PHKB: variants seen among roughly 807,000 people sequenced by gnomAD.
PHKB encodes the protein phosphorylase b kinase regulatory subunit beta.
Under a neutral mutation model 152.1 loss-of-function variants are expected in PHKB, and 122 were observed. That is an observed-to-expected ratio of 0.80 (90% CI 0.69 to 0.93). The LOEUF is 0.93. PHKB is among the 40% of genes least tolerant of loss of function. The pLI, the probability that PHKB is intolerant of heterozygous loss-of-function variation, is 0.00. For missense variants in PHKB, 1,304 were observed against 1,328.4 expected (o/e 0.98, Z 0.29); for synonymous variants, 436 against 464.9 (o/e 0.94, Z 0.80).
intron 8 of PHKB, among the ~76,000 whole-genome samples, chr16:47,586,511 T>C (rs2151696139): frequency 6.6e-6 from 1 of 152,354 alleles, no homozygotes; most frequent in South Asian, 2.1e-4. Flanking sequence ...TTTTATGAGC[T>C]AATTTTCATG....
intron 6 of PHKB, among the ~76,000 whole-genome samples, chr16:47,530,168 C>T (rs1047479103): frequency 7.1e-6 from 1 of 140,208 alleles, no homozygotes; most frequent in African/African-American, 2.7e-5. Context: ...CAGAGTCTTG[C>T]TCTGTCACCC....
chr16:47,615,906 G>A (rs1032972737), intron 14 of PHKB, among the ~76,000 whole-genome samples: 1 of 152,050 alleles, frequency 6.6e-6, no homozygotes, highest in Non-Finnish European at 1.5e-5. Context: ...CAGCTTTATT[G>A]AAGTATAATT....
At chr16:47,625,110 G>A (rs542693622) in intron 14 of PHKB, among the ~76,000 whole-genome samples, 20 of 151,784 alleles carry the variant, frequency 1.3e-4, no homozygotes, top group Admixed American at 3.3e-4. Flanking sequence ...CCCTCTTCCC[G>A]CCTCTTCACT....
At chr16:47,677,374 G>A (rs1306789246) in intron 26 of PHKB, among the ~76,000 whole-genome samples, 1 of 152,208 alleles carries the variant, frequency 6.6e-6, no homozygotes, top group African/African-American at 2.4e-5. Flanking sequence ...GTCATTTGGT[G>A]TATCAGCTCT....
At position 47,537,902 on chromosome 16, in the gene PHKB, C is replaced by CTT. The variant is rs1555478452; in HGVS notation, c.595-9527_595-9526dup. Among the ~76,000 whole-genome samples the CTT allele has an allele frequency of 1.8e-3, 269 of 149,278 alleles. 4 individuals carry two copies. The highest frequency in any genetic ancestry group is 6.1e-3 in the African/African-American group (243 of 39,614). The stretch of plus-strand genomic sequence containing the variant: ...TCTCTCTCTCTCTCTCTCTCTCTCT[C>CTT]TTTTTAAGTTGAGGCAAGGTCTCTC... On this transcript the variant is annotated intron_variant, in intron 6 of 30. Coordinates refer to ENST00000323584, the MANE Select transcript of PHKB (RefSeq NM_000293.3).
chr16:47,584,165 T>G (rs1315086419), intron 8 of PHKB, among the ~76,000 whole-genome samples: 1 of 152,112 alleles, frequency 6.6e-6, no homozygotes, highest in Non-Finnish European at 1.5e-5. Flanking sequence ...CCATAATGAT[T>G]TGTTTACAAT....
chr16:47,597,678 C>CTTTTTTTTTTTTTTTT (rs1010545365), intron 13 of PHKB: 3 of 107,862 alleles, frequency 2.8e-5, no homozygotes, highest in African/African-American at 3.3e-5. Context: ...TTTCTTTTTT[C>CTTTTTTTTTTTTTTTT]TTTTTTTTTT....
chr16:47,638,184 T>C (rs1271447379), intron 14 of PHKB, among the ~76,000 whole-genome samples: 1 of 152,118 alleles, frequency 6.6e-6, no homozygotes, highest in Non-Finnish European at 1.5e-5. Flanking sequence ...TTTAAAAAGA[T>C]GTTCAGAATC....
At chr16:47,650,372 CCCAG>C (rs1973213836) in intron 18 of PHKB, among the ~76,000 whole-genome samples, 168 bp from the exon 19 acceptor site, 1 of 152,126 alleles carries the variant, frequency 6.6e-6, no homozygotes, top group Non-Finnish European at 1.5e-5. Flanking sequence ...CTTGCGTGTA[CCCAG>C]AGAACCTGCT....
intron 26 of PHKB, chr16:47,675,950 TAAA>T (rs1973724851): frequency 6.6e-6 from 1 of 152,138 alleles, no homozygotes; most frequent in African/African-American, 2.4e-5. Context: ...CTCTGAAGAG[TAAA>T]AAGATACTTT....
chr16:47,530,041 A>G (rs1970834116), intron 6 of PHKB: 1 of 152,130 alleles, frequency 6.6e-6, no homozygotes, highest in African/African-American at 2.4e-5. Flanking sequence ...CTAATAAAAT[A>G]TATCTACCAA....
chr16:47,678,648 T>C (rs974456550), intron 26 of PHKB, among the ~76,000 whole-genome samples: 3 of 151,906 alleles, frequency 2.0e-5, no homozygotes, highest in African/African-American at 7.2e-5. Flanking sequence ...TTGTTTGAGT[T>C]CATTGTAGAT....
chr16:47,639,957 A>G (rs1004417171), intron 14 of PHKB, among the ~76,000 whole-genome samples: 1 of 152,204 alleles, frequency 6.6e-6, no homozygotes, highest in Non-Finnish European at 1.5e-5. Flanking sequence ...GGTCTTTATC[A>G]AGTAAAAACA....
chr16:47,583,674 C>T (rs1001575626), intron 8 of PHKB, among the ~76,000 whole-genome samples: 4 of 152,130 alleles, frequency 2.6e-5, no homozygotes, highest in Non-Finnish European at 5.9e-5. Flanking sequence ...TAGTGTTTCT[C>T]AGATCACACC....
intron 9 of PHKB, among the ~76,000 whole-genome samples, chr16:47,588,206 A>G (rs1971966675): frequency 6.6e-6 from 1 of 151,906 alleles, no homozygotes; most frequent in Non-Finnish European, 1.5e-5. Flanking sequence ...AGAATTTTCT[A>G]GGGACTATTT....
rs372208366 is a variant in PHKB at position 47,649,097 on chromosome 16, C to T, written c.1693-3C>T. On this transcript the variant is annotated splice_polypyrimidine_tract_variant and splice_region_variant and intron_variant, in intron 17 of 30. Coordinates refer to ENST00000323584, the MANE Select transcript of PHKB (RefSeq NM_000293.3). ...ATTTGTTTTAAAACTTTTTCCCTTA[C>T]AGATTTATCGCATTCTAGGAAAGAC... 3.2e-6 allele frequency: 5 copies of T among 1,546,908 alleles called. No individual in the cohort carries two copies. The African/African-American group carries it at 6.8e-5, about 21-fold the overall frequency.
chr16:47,598,386 G>A (rs1243897124), intron 13 of PHKB, among the ~76,000 whole-genome samples: 1 of 152,082 alleles, frequency 6.6e-6, no homozygotes, highest in Non-Finnish European at 1.5e-5. Context: ...AGATCTGTAG[G>A]AATTTTTCTT....
At chr16:47,557,089 A>G (rs996536942) in intron 7 of PHKB, among the ~76,000 whole-genome samples, 4 of 152,190 alleles carry the variant, frequency 2.6e-5, no homozygotes, top group Admixed American at 6.5e-5. Context: ...CGTATCTACA[A>G]CTACTTGATC....
intron 7 of PHKB, among the ~76,000 whole-genome samples, chr16:47,550,960 C>T (rs1971260191): frequency 6.6e-6 from 1 of 152,052 alleles, no homozygotes; most frequent in Non-Finnish European, 1.5e-5. Flanking sequence ...TGTATGTGTC[C>T]AGCAATTTAT....
Sources: gnomAD v4.1 joint callset for allele counts (sites outside exome capture counted in the v4.1 genomes callset) on GRCh38, gnomAD v4.1.1 for gene constraint, MANE v1.5 for transcripts, NCBI Gene and HGNC (gene_info 2026-07-23, HGNC 2026-07-21) for gene names.